RAD51: variants seen among roughly 807,000 people sequenced by gnomAD.
The protein encoded by RAD51 is DNA repair protein RAD51 homolog 1.
RAD51 carries 14 observed loss-of-function variants against 41.5 expected under a neutral mutation model. The ratio of observed to expected loss-of-function variants is 0.34; its 90% confidence interval spans 0.22 to 0.53. The LOEUF (loss-of-function observed/expected upper bound fraction) is 0.53. RAD51 is among the 20% of genes least tolerant of loss of function. The probability of loss-of-function intolerance (pLI) is 0.95; values close to 1 mark genes in which losing one functional copy is unlikely to be tolerated. For missense variants in RAD51, 234 were observed against 422.0 expected (o/e 0.55, Z 3.90); for synonymous variants, 136 against 148.6 (o/e 0.92, Z 0.62).
At chr15:40,730,523 T>TTTTTTTTTTTTCTTTTC in intron 9 of RAD51, among the ~76,000 whole-genome samples, 1 of 129,688 alleles carries the variant, frequency 7.7e-6, no homozygotes, top group Non-Finnish European at 1.6e-5. Context: ...TTTTTTTCTT[T>TTTTTTTTTTTTCTTTTC]TTTTTTTTTT....
chr15:40,723,872 T>G (rs1425434888), intron 6 of RAD51, among the ~76,000 whole-genome samples: 1 of 152,186 alleles, frequency 6.6e-6, no homozygotes, highest in East Asian at 1.9e-4. Flanking sequence ...AAATAAAGTT[T>G]TTAAATACAT....
At chr15:40,718,933 C>G (rs1214506641) in intron 6 of RAD51, 34 bp downstream of exon 6, 2 of 1,529,194 alleles carry the variant, frequency 1.3e-6, no homozygotes, top group Admixed American at 1.7e-5. Context: ...GAGACTATGG[C>G]TACACTTATC....
intron 4 of RAD51, among the ~76,000 whole-genome samples, chr15:40,707,880 G>T (rs1211837685): frequency 6.6e-6 from 1 of 151,874 alleles, no homozygotes; most frequent in Non-Finnish European, 1.5e-5. Context: ...ACCGTGCCTG[G>T]CTAATTTTTG....
intron 5 of RAD51, among the ~76,000 whole-genome samples, chr15:40,712,935 G>A (rs1425758401): frequency 5.8e-5 from 8 of 137,778 alleles, no homozygotes; most frequent in African/African-American, 2.2e-4. Context: ...CTGTAGTGCA[G>A]TGGTGTGATC....
At chr15:40,728,656 G>A (rs776831097) in intron 6 of RAD51, 55 bp from the exon 7 acceptor site, 8 of 1,407,266 alleles carry the variant, frequency 5.7e-6, no homozygotes, top group Middle Eastern at 1.7e-4. Context: ...GAAACAAATT[G>A]CTCATCTGCC....
At chr15:40,725,708 G>T (rs1368094135) in intron 6 of RAD51, among the ~76,000 whole-genome samples, 2 of 151,648 alleles carry the variant, frequency 1.3e-5, no homozygotes, top group Non-Finnish European at 2.9e-5. Context: ...GCTCTCCAGG[G>T]CCAGACACGG....
At chr15:40,721,238 A>C (rs1259710281) in intron 6 of RAD51, among the ~76,000 whole-genome samples, 2 of 152,212 alleles carry the variant, frequency 1.3e-5, no homozygotes, top group African/African-American at 4.8e-5. Context: ...ATCCTTATCA[A>C]AATTCCAGCA....
intron 6 of RAD51, among the ~76,000 whole-genome samples, chr15:40,727,254 G>A (rs1414226337): frequency 6.6e-6 from 1 of 151,812 alleles, no homozygotes; most frequent in Admixed American, 6.6e-5. Context: ...GAGCCACCGT[G>A]CCCAGCCTTT....
intron 1 of RAD51, among the ~76,000 whole-genome samples, chr15:40,698,396 C>A (rs1476855531): frequency 6.6e-6 from 1 of 151,936 alleles, no homozygotes; most frequent in Non-Finnish European, 1.5e-5. Flanking sequence ...GCATGTTGGC[C>A]GGGATGGTCT....
intron 3 of RAD51, 67 bp downstream of exon 3, chr15:40,701,268 G>T: frequency 6.5e-7 from 1 of 1,544,878 alleles, no homozygotes; most frequent in South Asian, 1.1e-5. Flanking sequence ...TGTAGTGAAA[G>T]ACTTCTTCCT....
Position 40,718,916 on chromosome 15 carries a change from G to A in RAD51, c.530+17G>A, listed in dbSNP as rs1189023199. On this transcript the variant is annotated intron_variant, in intron 6 of 9. Transcript: ENST00000267868. ...GGCTGAGAGGTAGGTTACTGGTTTA[G>A]ATAAGAGAGACTATGGCTACACTTA... The A allele has an allele frequency of 6.4e-7, 1 of 1,574,506 alleles. No homozygotes were observed. The highest frequency in any genetic ancestry group is 1.3e-5 in the African/African-American group (1 of 74,112).
At chr15:40,730,050 C>A (rs143420580) in intron 9 of RAD51, 76 bp downstream of exon 9, 4 of 1,564,886 alleles carry the variant, frequency 2.6e-6, no homozygotes, top group African/African-American at 2.7e-5. Context: ...ATAACATTTT[C>A]ATTTAAGCCC....
At chr15:40,719,979 G>A (rs902255563) in intron 6 of RAD51, among the ~76,000 whole-genome samples, 1 of 151,982 alleles carries the variant, frequency 6.6e-6, no homozygotes, top group Non-Finnish European at 1.5e-5. Context: ...TGAATTAAAG[G>A]GGAAAATAGA....
At chr15:40,727,477 G>A (rs993146586) in intron 6 of RAD51, among the ~76,000 whole-genome samples, 1 of 151,438 alleles carries the variant, frequency 6.6e-6, no homozygotes, top group African/African-American at 2.4e-5. Flanking sequence ...CAACCAACCC[G>A]GCTACATTTT....
chr15:40,706,461 C>T (rs966501831), intron 4 of RAD51, among the ~76,000 whole-genome samples, 167 bp downstream of exon 4: 1 of 152,220 alleles, frequency 6.6e-6, no homozygotes, highest in African/African-American at 2.4e-5. Flanking sequence ...CTTTGGGAGG[C>T]TGAGGTGGGC....
chr15:40,697,574 CTTTTTTT>C (rs11340353), intron 1 of RAD51, among the ~76,000 whole-genome samples: 2 of 105,512 alleles, frequency 1.9e-5, no homozygotes, highest in South Asian at 3.0e-4. Context: ...GATGATATTT[CTTTTTTT>C]TTTTTTTTTT....
chr15:40,701,552 A>T (rs924223606), intron 3 of RAD51, among the ~76,000 whole-genome samples: 5 of 151,128 alleles, frequency 3.3e-5, no homozygotes, highest in African/African-American at 7.3e-5. Context: ...GGTAGTCTCG[A>T]ACTCCTGAGC....
chr15:40,701,346 CTTTTCTTTTCTTT>C (rs1894975057), intron 3 of RAD51, 145 bp downstream of exon 3: 1 of 692,870 alleles, frequency 1.4e-6, no homozygotes, highest in African/African-American at 1.9e-5. Context: ...TTCTTTTCTT[CTTTTCTTTTCTTT>C]TCTTTTTTTT....
At chr15:40,727,861 T>TC (rs1555429381) in intron 6 of RAD51, among the ~76,000 whole-genome samples, 2 of 71,936 alleles carry the variant, frequency 2.8e-5, no homozygotes, top group South Asian at 1.1e-3. Flanking sequence ...AAACATTCTC[T>TC]TTTTTTTTTT....
Sources: gnomAD v4.1 joint callset for allele counts (sites outside exome capture counted in the v4.1 genomes callset) on GRCh38, gnomAD v4.1.1 for gene constraint, MANE v1.5 for transcripts, NCBI Gene and HGNC (gene_info 2026-07-23, HGNC 2026-07-21) for gene names.